Variants in ATP6V0A4 observed in about 807,000 individuals in gnomAD.
The protein encoded by ATP6V0A4 is ATPase H+ transporting V0 subunit a4.
In ATP6V0A4, 86 loss-of-function variants were observed where a neutral mutation model predicts 107.3. That is an observed-to-expected ratio of 0.80 (90% CI 0.67 to 0.96). The LOEUF is 0.96. ATP6V0A4 is among the 40% of genes least tolerant of loss of function. The pLI is 0.00. For synonymous variants in ATP6V0A4, 353 were observed against 381.4 expected, an observed-to-expected ratio of 0.93 and a Z score of 0.87; for missense variants, 908 against 1,045.6, an observed-to-expected ratio of 0.87 and a Z score of 1.81.
At chr7:138,771,988 T>C (rs1807416538) in intron 2 of ATP6V0A4, among the ~76,000 whole-genome samples, 1 of 152,196 alleles carries the variant, frequency 6.6e-6, no homozygotes, top group African/African-American at 2.4e-5. Context: ...GGCCCTTTCA[T>C]GCACTCGAAT....
At chr7:138,718,031 C>CGGCCAGGAAGGAATGGAGGGGGTGCA (rs1804144864) in intron 19 of ATP6V0A4, among the ~76,000 whole-genome samples, 1 of 140,832 alleles carries the variant, frequency 7.1e-6, no homozygotes, top group African/African-American at 2.7e-5. Context: ...CGGAGGGAGA[C>CGGCCAGGAAGGAATGGAGGGGGTGCA]GTCCAGGAAG....
intron 5 of ATP6V0A4, among the ~76,000 whole-genome samples, chr7:138,763,644 A>G (rs1161386018): frequency 1.3e-5 from 2 of 151,938 alleles, no homozygotes; most frequent in African/African-American, 4.8e-5. Flanking sequence ...ATAAATAAAT[A>G]ACAATAAAAA....
intron 13 of ATP6V0A4, among the ~76,000 whole-genome samples, chr7:138,746,278 A>G (rs989182394): frequency 2.6e-5 from 4 of 151,714 alleles, no homozygotes; most frequent in African/African-American, 9.7e-5. Flanking sequence ...CTGTCTGACT[A>G]TGTCTGCTGA....
At chr7:138,752,365 ATT>A (rs11399212) in intron 11 of ATP6V0A4, among the ~76,000 whole-genome samples, 7 of 146,744 alleles carry the variant, frequency 4.8e-5, no homozygotes, top group African/African-American at 5.0e-5. Flanking sequence ...GCGAGATTCT[ATT>A]TTTTTTTTTT....
intron 10 of ATP6V0A4, 98 bp from the exon 11 acceptor site, chr7:138,752,935 T>C: frequency 6.4e-7 from 1 of 1,551,270 alleles, no homozygotes; most frequent in South Asian, 1.2e-5. Flanking sequence ...CAGCTTCCTC[T>C]GCTCTGGCAG....
intron 14 of ATP6V0A4, among the ~76,000 whole-genome samples, chr7:138,741,166 T>A (rs1157033512): frequency 6.6e-6 from 1 of 151,738 alleles, no homozygotes; most frequent in East Asian, 1.9e-4. Context: ...TAAATTAAAT[T>A]AAAAAATAAT....
rs1016723732 is a variant in ATP6V0A4 at position 138,773,673 on chromosome 7, C to T, written c.-17-2409G>A. 2 of 152,320 alleles carry T rather than the reference C, an allele frequency of 1.3e-5. No individual in the cohort carries two copies. The highest frequency in any genetic ancestry group is 2.9e-5 in the Non-Finnish European group (2 of 68,166). The allele number at this position is 152,320 out of a possible 1,614,324, so 9.4% of individuals were successfully genotyped here. A position where few individuals can be genotyped will look rare whatever the true frequency, so the allele number is the denominator to read the frequency against. Reference sequence around the variant, plus strand: ...CTCAGGAAGTGCACATGGTCTGGGCCCACATTTGTGCCTTTTGACACCAAG... The same window carrying T: ...CTCAGGAAGTGCACATGGTCTGGGCTCACATTTGTGCCTTTTGACACCAAG... On this transcript the variant is annotated intron_variant, in intron 2 of 21. Transcript: ENST00000310018. The surrounding 1 kb of genome is among the most constrained non-coding windows in gnomAD (Gnocchi z 5.4).
chr7:138,732,885 T>G lies in ATP6V0A4; in HGVS notation c.1900A>C (p.Lys634Gln). The change falls in exon 17 of 22, where the codon AAA (lysine) becomes CAA (glutamine). Residue 634 changes from lysine (K) to glutamine (Q), a missense_variant. Lys to Gln is a moderately conservative substitution (Grantham distance 53). Coordinates refer to ENST00000310018, the MANE Select transcript of ATP6V0A4 (RefSeq NM_020632.3). ...AAAAATAGCAGAAATACCTGATGTTTGTAGAGGGGTGCGTTGGAAGAGTCA... is the reference window on the plus strand; with the variant it reads ...AAAAATAGCAGAAATACCTGATGTTGGTAGAGGGGTGCGTTGGAAGAGTCA... ...YSDSSNAPLYKHQQEVQSFFV... is the reference protein window; with the variant it reads ...YSDSSNAPLYQHQQEVQSFFV... The G allele has an allele frequency of 6.2e-7, 1 of 1,610,514 alleles. No individual in the cohort carries two copies. The highest frequency in any genetic ancestry group is 1.3e-5 in the African/African-American group (1 of 74,636).
Position 138,784,255 on chromosome 7 carries a change from T to C in ATP6V0A4, c.-18+1903A>G, listed in dbSNP as rs1409974913. Among the ~76,000 whole-genome samples, 121 of 28,866 alleles carry C rather than the reference T, an allele frequency of 4.2e-3. 5 individuals are homozygous for C. The highest frequency in any genetic ancestry group is 0.014 in the African/African-American group (93 of 6,812). 18.9% of individuals were successfully genotyped at this position (28,866 alleles called of 152,430 possible). ...ATATACGTATATATATATATATACATATATATATATACATATATATATATA... is the reference window on the plus strand; with the variant it reads ...ATATACGTATATATATATATATACACATATATATATACATATATATATATA... On this transcript the variant is annotated intron_variant, in intron 2 of 21. Coordinates refer to ENST00000310018, the MANE Select transcript of ATP6V0A4 (RefSeq NM_020632.3).
At chr7:138,751,029 T>A (rs1017629919) in intron 11 of ATP6V0A4, among the ~76,000 whole-genome samples, 3 of 151,934 alleles carry the variant, frequency 2.0e-5, no homozygotes, top group Admixed American at 2.0e-4. Flanking sequence ...AACCTTCCCA[T>A]GCTATCAATG....
intron 10 of ATP6V0A4, among the ~76,000 whole-genome samples, chr7:138,755,332 CA>C (rs1806452910): frequency 6.6e-6 from 1 of 152,194 alleles, no homozygotes; most frequent in East Asian, 1.9e-4. Flanking sequence ...GGAAAATAAT[CA>C]GTCAAACTGG....
At chr7:138,797,103 C>T (rs963333295) in intron 1 of ATP6V0A4, among the ~76,000 whole-genome samples, 1 of 152,128 alleles carries the variant, frequency 6.6e-6, no homozygotes, top group Non-Finnish European at 1.5e-5. Flanking sequence ...CACTTCCTTA[C>T]CTCTGGACCT....
intron 8 of ATP6V0A4, among the ~76,000 whole-genome samples, chr7:138,759,432 A>T (rs1336898379): frequency 2.0e-5 from 3 of 151,958 alleles, no homozygotes; most frequent in Non-Finnish European, 2.9e-5. Context: ...GCTGACCTCA[A>T]TCAGTTCTCA....
intron 7 of ATP6V0A4, among the ~76,000 whole-genome samples, chr7:138,761,511 T>C (rs1267359482): frequency 6.6e-6 from 1 of 151,654 alleles, no homozygotes; most frequent in African/African-American, 2.4e-5. Context: ...GGCAGACGCC[T>C]GTAGTCCCAG....
At chr7:138,787,981 T>C (rs1299552080) in intron 1 of ATP6V0A4, among the ~76,000 whole-genome samples, 2 of 151,802 alleles carry the variant, frequency 1.3e-5, no homozygotes, top group Non-Finnish European at 2.9e-5. Context: ...CCCTGGGCAA[T>C]AGAGTGAGAT....
At chr7:138,737,115 A>ATATATATATATATATATATATGAAT (rs540225443) in intron 15 of ATP6V0A4, among the ~76,000 whole-genome samples, 1 of 86,692 alleles carries the variant, frequency 1.2e-5, no homozygotes, top group Non-Finnish European at 2.1e-5. Flanking sequence ...AGCCCTTATT[A>ATATATATATATATATATATATGAAT]ATATATATAT....
chr7:138,759,709 A>AT, intron 8 of ATP6V0A4, 43 bp downstream of exon 8: 1 of 1,605,048 alleles, frequency 6.2e-7, no homozygotes, highest in Non-Finnish European at 8.5e-7. Flanking sequence ...GCTGAGGGCT[A>AT]TGGGAAGTCT....
chr7:138,744,492 C>T (rs1805808569), intron 14 of ATP6V0A4, among the ~76,000 whole-genome samples: 1 of 151,820 alleles, frequency 6.6e-6, no homozygotes, highest in South Asian at 2.1e-4. Context: ...CCCGCCTCGG[C>T]CTCCCAAAGT....
chr7:138,759,804 T>C lies in ATP6V0A4; in HGVS notation c.587A>G (p.Asn196Ser). Residue 196 changes from asparagine to serine, a missense_variant, in exon 8 of 22, where the codon AAC becomes AGC. Physicochemically the swap from Asn to Ser is conservative, Grantham distance 46. Transcript: ENST00000310018. ...CATCTCACTGAACTTCAAGTACACG[T>C]TTCCTCGGCAGATTCGCCACAGTAA... ...ERLLWRICRG[N>S]VYLKFSEMDA... 1 of 1,614,144 alleles carries C rather than the reference T, an allele frequency of 6.2e-7. No homozygotes were observed.
Sources: allele counts gnomAD v4.1 joint callset (sites outside exome capture counted in the v4.1 genomes callset), GRCh38; gene constraint gnomAD v4.1.1; non-coding constraint Gnocchi (gnomAD v3.1); transcripts MANE v1.5; gene names NCBI Gene and HGNC (gene_info 2026-07-23, HGNC 2026-07-21).